Variants in MX2 observed in about 807,000 individuals in gnomAD.
MX2 encodes the protein interferon-induced GTP-binding protein Mx2.
A neutral mutation model predicts 74.0 loss-of-function variants in MX2; 51 were observed. The ratio of observed to expected loss-of-function variants is 0.69; its 90% CI spans 0.55 to 0.87. The LOEUF (loss-of-function observed/expected upper bound fraction) is 0.87, where lower values mean the gene tolerates loss of function less well. Among genes scored for constraint, MX2 ranks in the 40% least tolerant of loss-of-function variants. MX2 has a pLI of 0.00. For missense variants in MX2, 832 were observed against 908.7 expected (o/e 0.92, Z 1.09); for synonymous variants, 369 against 339.3 (o/e 1.09, Z -0.96).
intron 2 of MX2, 65 bp from the exon 3 acceptor site, chr21:41,377,724 C>A: frequency 1.3e-6 from 2 of 1,509,544 alleles, no homozygotes; most frequent in South Asian, 1.2e-5. Context: ...CTCTGCCACA[C>A]ATCTCCATGA....
At chr21:41,405,620 T>TG (rs1002075169) in intron 12 of MX2, among the ~76,000 whole-genome samples, 1 of 151,658 alleles carries the variant, frequency 6.6e-6, no homozygotes, top group Non-Finnish European at 1.5e-5. Flanking sequence ...ACATGTAAAT[T>TG]GGGGGGCAGG....
At chr21:41,383,848 A>T (rs1485250303) in intron 5 of MX2, among the ~76,000 whole-genome samples, 1 of 152,008 alleles carries the variant, frequency 6.6e-6, no homozygotes, top group East Asian at 1.9e-4. Flanking sequence ...TAGCCCTCCT[A>T]GGAGGGTGGC....
At position 41,382,327 on chromosome 21, in the gene MX2, G is replaced by A. The variant is rs79586418; in HGVS notation, c.578-83G>A. 2,084 of 1,486,146 alleles carry A rather than the reference G, an allele frequency of 1.4e-3. 29 individuals are homozygous for A. In the African/African-American group the frequency reaches 0.025, roughly 18 times the overall value. The allele number at this position is 1,486,146 out of a possible 1,614,324, so 92.1% of individuals were successfully genotyped here. On this transcript the variant is annotated intron_variant, in intron 4 of 13. Transcript: ENST00000330714. ...ACTGAAGCTCTCATACCCTGGAAAG[G>A]AGCAGTCATTACCTTCAGGAACTGC...
chr21:41,407,231 G>A (rs1205633004), intron 13 of MX2, among the ~76,000 whole-genome samples: 1 of 152,150 alleles, frequency 6.6e-6, no homozygotes, highest in Non-Finnish European at 1.5e-5. Flanking sequence ...AAGTGGTAGA[G>A]CGTGTACTCA....
chr21:41,377,166 T>C lies in MX2; in HGVS notation c.249+11T>C. The C allele has an allele frequency of 1.2e-6, 2 of 1,613,120 alleles. No homozygotes were observed. Among genetic ancestry groups the C allele is most frequent in the Non-Finnish European group, 8.5e-7 (1 of 1,179,374 alleles). ...CAACCAAGGGCAATGGTAAGCCCGG[T>C]GGAGGGACGTTCAGAAAGGGTGCAT... On this transcript the variant is annotated intron_variant, in intron 2 of 13. Transcript: ENST00000330714.
Position 41,366,350 on chromosome 21 carries a change from G to A in MX2, c.-72+4295G>A, listed in dbSNP as rs1041344687. On this transcript the variant is annotated intron_variant, in intron 1 of 13. Coordinates refer to ENST00000330714, the MANE Select transcript of MX2 (RefSeq NM_002463.2). The surrounding 1 kb of genome is among the most constrained non-coding windows in gnomAD (Gnocchi z 4.5). ...TGGTGTGCTAGTCCATTTGTGTCAC[G>A]ATAGAGGTAAACCTGAGACTGAGTA... 21 of 152,216 alleles carry A rather than the reference G, an allele frequency of 1.4e-4. No individual in the cohort carries two copies. The highest frequency in any genetic ancestry group is 4.6e-4 in the African/African-American group (19 of 41,450). The allele number at this position is 152,216 out of a possible 1,614,324, so 9.4% of individuals were successfully genotyped here.
rs543286248 is a variant in MX2 at position 41,368,788 on chromosome 21, C to T, written c.-72+6733C>T. Reference sequence around the variant, plus strand: ...GAAGTTGAGGCTGAGTTATCACCTCCCATCAGCACTCGGTTTTGTTCCTGG... The same window carrying T: ...GAAGTTGAGGCTGAGTTATCACCTCTCATCAGCACTCGGTTTTGTTCCTGG... On this transcript the variant is annotated intron_variant, in intron 1 of 13. Transcript: ENST00000330714. The surrounding 1 kb of genome is among the most constrained non-coding windows in gnomAD (Gnocchi z 4.6). Among the ~76,000 whole-genome samples, 9 of 152,344 alleles carry T rather than the reference C, an allele frequency of 5.9e-5. 1 individual carries two copies. The South Asian group carries it at 1.0e-3, about 18-fold the overall frequency.
At chr21:41,389,197 C>CAA (rs58811401) in intron 5 of MX2, among the ~76,000 whole-genome samples, 27 of 141,154 alleles carry the variant, frequency 1.9e-4, no homozygotes, top group East Asian at 1.2e-3. Flanking sequence ...AAAATAAAGT[C>CAA]AAAAAAAAAA....
At chr21:41,403,506 G>A (rs1174034142) in intron 12 of MX2, 163 bp downstream of exon 12, 16 of 753,108 alleles carry the variant, frequency 2.1e-5, no homozygotes, top group South Asian at 2.1e-4. Context: ...GTGACTCCAG[G>A]AGCACCTGCC....
rs560425725 is a variant in MX2, at chr21:41,377,710, C to G, written c.250-79C>G. Reference sequence around the variant, plus strand: ...AACCCAACCTAACATCATAGCCGCACAAACTCTGCCACACATCTCCATGAC... The same window carrying G: ...AACCCAACCTAACATCATAGCCGCAGAAACTCTGCCACACATCTCCATGAC... On this transcript the variant is annotated intron_variant, in intron 2 of 13. Transcript: ENST00000330714. 2.0e-6 allele frequency: 3 copies of G among 1,466,648 alleles called. No homozygotes were observed. The African/African-American group carries it at 4.2e-5, about 20-fold the overall frequency. The allele number at this position is 1,466,648 out of a possible 1,614,324, so 90.9% of individuals were successfully genotyped here.
chr21:41,368,083 C>T lies in MX2; in HGVS notation c.-72+6028C>T, dbSNP rs377221009. 7.7e-4 allele frequency among the ~76,000 whole-genome samples: 117 copies of T among 152,278 alleles called. No homozygotes were observed. The highest frequency in any genetic ancestry group is 4.1e-3 in the East Asian group (21 of 5,166). On this transcript the variant is annotated intron_variant, in intron 1 of 13. Transcript: ENST00000330714. The surrounding 1 kb of genome is among the most constrained non-coding windows in gnomAD (Gnocchi z 4.6). The stretch of plus-strand genomic sequence containing the variant: ...CATGCTCTGCATTTATACTGGGCTG[C>T]GGAAGCTCCCACGTGGGGACCAAGC...
At chr21:41,389,866 T>G (rs1278186275) in intron 5 of MX2, 1 of 152,184 alleles carries the variant, frequency 6.6e-6, no homozygotes, top group Non-Finnish European at 1.5e-5. Context: ...TCTGTTTGTG[T>G]TGTTGTTGAG....
At chr21:41,374,773 T>G (rs1399802287) in intron 1 of MX2, among the ~76,000 whole-genome samples, 1 of 152,208 alleles carries the variant, frequency 6.6e-6, no homozygotes, top group Non-Finnish European at 1.5e-5. Flanking sequence ...CTGGCCCAAC[T>G]GTCCCAAAGC....
intron 5 of MX2, among the ~76,000 whole-genome samples, chr21:41,383,574 C>T (rs2089527518): frequency 6.6e-6 from 1 of 152,162 alleles, no homozygotes; most frequent in Non-Finnish European, 1.5e-5. Flanking sequence ...AGATGAGGCC[C>T]TCCTTTGCTA....
intron 5 of MX2, among the ~76,000 whole-genome samples, chr21:41,387,937 C>G (rs1048678485): frequency 6.6e-6 from 1 of 152,138 alleles, no homozygotes; most frequent in Non-Finnish European, 1.5e-5. Context: ...CCTCCCTTTT[C>G]TCCTCCTCTC....
intron 6 of MX2, among the ~76,000 whole-genome samples, chr21:41,394,494 A>T (rs1056495845): frequency 2.0e-5 from 3 of 152,194 alleles, no homozygotes; most frequent in African/African-American, 7.2e-5. Context: ...ATTTGCCAGC[A>T]CGTCACTTTA....
rs749109562 is a variant in MX2, at chr21:41,408,292, G to A, written c.*59G>A. ...GTACTCATTCATTCTAAGGGGAGTC[G>A]GTGCAGGATGCCGCTTCTGCTTTGG... is the stretch of plus-strand genomic sequence containing the variant. On this transcript the variant is annotated 3_prime_UTR_variant, in exon 14 of 14. Coordinates refer to ENST00000330714, the MANE Select transcript of MX2 (RefSeq NM_002463.2). The A allele has an allele frequency of 1.6e-5, 25 of 1,585,204 alleles. No individual in the cohort carries two copies. Among genetic ancestry groups the A allele is most frequent in the African/African-American group, 1.2e-4 (9 of 73,998 alleles).
chr21:41,398,281 C>G (rs1381737107), intron 8 of MX2, among the ~76,000 whole-genome samples: 4 of 152,184 alleles, frequency 2.6e-5, no homozygotes, highest in Non-Finnish European at 1.5e-5. Context: ...TGCACTCCAG[C>G]CTGGGCAACA....
intron 1 of MX2, among the ~76,000 whole-genome samples, chr21:41,369,548 T>C (rs2089297200): frequency 1.3e-5 from 2 of 152,086 alleles, no homozygotes; most frequent in South Asian, 2.1e-4. Flanking sequence ...GTAAGCAGTC[T>C]CTGTCCCAAG....
Sources: allele counts gnomAD v4.1 joint callset (sites outside exome capture counted in the v4.1 genomes callset), GRCh38; gene constraint gnomAD v4.1.1; non-coding constraint Gnocchi (gnomAD v3.1); transcripts MANE v1.5; gene names NCBI Gene and HGNC (gene_info 2026-07-23, HGNC 2026-07-21).